Variants in DENND1B observed in about 807,000 individuals in gnomAD.
DENND1B encodes the protein DENN domain-containing protein 1B.
In DENND1B, 59 loss-of-function variants were observed where a neutral mutation model predicts 90.1. The observed-to-expected ratio is 0.65, with a 90% CI of 0.53 to 0.81. DENND1B has a LOEUF of 0.81. Ranked by LOEUF, DENND1B falls within the 40% of genes least tolerant of loss-of-function variation. The probability of loss-of-function intolerance (pLI) is 0.00; values close to 1 mark genes in which losing one functional copy is unlikely to be tolerated. For missense variants in DENND1B, 862 were observed against 912.6 expected (o/e 0.94, Z 0.71); for synonymous variants, 337 against 324.6 (o/e 1.04, Z -0.41).
At chr1:197,569,958 T>C (rs1558253202) in intron 15 of DENND1B, among the ~76,000 whole-genome samples, 1 of 152,164 alleles carries the variant, frequency 6.6e-6, no homozygotes, top group Non-Finnish European at 1.5e-5. Context: ...GTTAATTACA[T>C]GAGTTAACTG....
chr1:197,544,918 A>G (rs1670640536), intron 18 of DENND1B, among the ~76,000 whole-genome samples: 6 of 1,620 alleles, frequency 3.7e-3, no homozygotes, highest in Admixed American at 0.031. Flanking sequence ...GAAGAAAAGA[A>G]GAAGAAAAGA....
At chr1:197,624,806 A>G (rs1678510119) in intron 10 of DENND1B, among the ~76,000 whole-genome samples, 1 of 151,838 alleles carries the variant, frequency 6.6e-6, no homozygotes, top group Non-Finnish European at 1.5e-5. Flanking sequence ...AATAACCAAT[A>G]CAGAGAAGTG....
At chr1:197,707,993 C>G (rs1428686651) in intron 3 of DENND1B, among the ~76,000 whole-genome samples, 2 of 151,942 alleles carry the variant, frequency 1.3e-5, no homozygotes, top group Admixed American at 1.3e-4. Context: ...TCAGGTCACT[C>G]CCACCCGAAT....
chr1:197,625,295 A>G (rs961795137), intron 10 of DENND1B, among the ~76,000 whole-genome samples: 54 of 152,108 alleles, frequency 3.6e-4, no homozygotes, highest in Non-Finnish European at 6.0e-4. Context: ...AGGGAAGCCC[A>G]TCAGACTAAC....
chr1:197,741,386 A>G (rs1663200603), intron 2 of DENND1B, among the ~76,000 whole-genome samples: 1 of 152,218 alleles, frequency 6.6e-6, no homozygotes, highest in Admixed American at 6.5e-5. Flanking sequence ...ATGCATATTT[A>G]TAGAGCAAAT....
chr1:197,747,086 T>C, intron 2 of DENND1B: 1 of 779,484 alleles, frequency 1.3e-6, no homozygotes, highest in Non-Finnish European at 2.4e-6. Flanking sequence ...TGGGTTTCAT[T>C]TGAGAACTGT....
intron 12 of DENND1B, among the ~76,000 whole-genome samples, chr1:197,608,656 A>C (rs1255355872): frequency 6.6e-6 from 1 of 150,528 alleles, no homozygotes; most frequent in African/African-American, 2.4e-5. Flanking sequence ...AATCTAATAA[A>C]CCTGATGTAT....
intron 2 of DENND1B, chr1:197,746,864 A>G (rs1487401341): frequency 1.2e-6 from 2 of 1,612,134 alleles, no homozygotes; most frequent in Non-Finnish European, 8.5e-7. Flanking sequence ...TTTGGCTTTT[A>G]CAAAGTTGTG....
chr1:197,624,344 T>C (rs1678453676), intron 10 of DENND1B, among the ~76,000 whole-genome samples: 1 of 151,790 alleles, frequency 6.6e-6, no homozygotes, highest in South Asian at 2.1e-4. Flanking sequence ...CAATAAATGG[T>C]GCTGGAAGAA....
At chr1:197,703,733 T>C (rs371378794) in intron 3 of DENND1B, among the ~76,000 whole-genome samples, 37 of 152,364 alleles carry the variant, frequency 2.4e-4, no homozygotes, top group East Asian at 1.5e-3. Flanking sequence ...CTGATTAATT[T>C]TTTTGCCTAC....
At chr1:197,594,787 C>A (rs531658581) in intron 14 of DENND1B, among the ~76,000 whole-genome samples, 1 of 152,178 alleles carries the variant, frequency 6.6e-6, no homozygotes, top group South Asian at 2.1e-4. Context: ...TATTGTAAAA[C>A]CTTCAAGTTC....
At chr1:197,745,762 A>G (rs1663680294) in intron 2 of DENND1B, among the ~76,000 whole-genome samples, 1 of 151,598 alleles carries the variant, frequency 6.6e-6, no homozygotes, top group Non-Finnish European at 1.5e-5. Context: ...AATTTAAAGA[A>G]TGGCATGGCT....
intron 15 of DENND1B, among the ~76,000 whole-genome samples, chr1:197,568,571 G>C (rs530922695): frequency 1.3e-5 from 2 of 152,088 alleles, no homozygotes; most frequent in Non-Finnish European, 1.5e-5. Flanking sequence ...AGCAAAGCTG[G>C]AGACATCACA....
chr1:197,660,311 G>A (rs141575467), intron 5 of DENND1B, among the ~76,000 whole-genome samples: 1,598 of 151,972 alleles, frequency 0.011, 34 homozygotes, highest in African/African-American at 0.037. Context: ...TTCTGCACAT[G>A]TATCCCAGAA....
Position 197,545,939 on chromosome 1 carries a change from G to A in DENND1B, c.1333C>T (p.Arg445Trp), listed in dbSNP as rs140468398. The A allele has an allele frequency of 3.9e-5, 63 of 1,605,008 alleles. No homozygotes were observed. In the South Asian group the frequency reaches 4.2e-4, roughly 11 times the overall value. The change falls in exon 18 of 23, where the codon CGG becomes TGG. Residue 445 changes from arginine to tryptophan, a missense_variant. Coordinates refer to ENST00000620048, the MANE Select transcript of DENND1B (RefSeq NM_001195215.2). ...AAACTTACAAATTTATATGCTGTCC[G>A]TACAGCAGGGGTTGCTTTGGTCATT... The part of the protein sequence containing the change: ...TAMTKATPAV[R>W]TAYKFAKNHA...
intron 15 of DENND1B, among the ~76,000 whole-genome samples, chr1:197,571,397 C>T (rs1005061709): frequency 2.6e-5 from 4 of 152,136 alleles, no homozygotes; most frequent in East Asian, 1.9e-4. Flanking sequence ...TTCATTTATT[C>T]GGATCTTAGA....
intron 10 of DENND1B, among the ~76,000 whole-genome samples, chr1:197,635,759 C>A (rs1679731365): frequency 6.6e-6 from 1 of 152,128 alleles, no homozygotes; most frequent in Admixed American, 6.5e-5. Flanking sequence ...AGATGTTACA[C>A]TGGTTACTCA....
At chr1:197,620,007 A>G (rs1419169141) in intron 10 of DENND1B, among the ~76,000 whole-genome samples, 3 of 151,286 alleles carry the variant, frequency 2.0e-5, no homozygotes, top group African/African-American at 7.3e-5. Context: ...GAACTAAGCA[A>G]CCAGAATGAA....
At position 197,607,076 on chromosome 1, in the gene DENND1B, A is replaced by C. The variant is rs746389045; in HGVS notation, c.918T>G (p.Asp306Glu). 1 of 1,602,350 alleles carries C rather than the reference A, an allele frequency of 6.2e-7. No homozygotes were observed. The highest frequency in any genetic ancestry group is 8.5e-7 in the Non-Finnish European group (1 of 1,171,830). ...ACTGAATAGCCTTCATACTTACCAC[A>C]TCACTTGGTAGGTTGTTCAAGTCAC... ...PFSDLNNLPSDVVSALKNKLK... is the reference protein window; with the variant it reads ...PFSDLNNLPSEVVSALKNKLK... The change falls in exon 13 of 23, where the codon GAT becomes GAG. Residue 306 changes from aspartate (D) to glutamate (E), a missense_variant. Asp to Glu is a conservative substitution (Grantham distance 45). Coordinates refer to ENST00000620048, the MANE Select transcript of DENND1B (RefSeq NM_001195215.2).
Sources: gnomAD v4.1 joint callset for allele counts (sites outside exome capture counted in the v4.1 genomes callset) on GRCh38, gnomAD v4.1.1 for gene constraint, MANE v1.5 for transcripts, NCBI Gene and HGNC (gene_info 2026-07-23, HGNC 2026-07-21) for gene names.